The following FLG variants were observed in gnomAD, a reference collection of about 807,000 sequenced individuals.
The protein encoded by FLG is filaggrin.
FLG carries 6 observed loss-of-function variants against 3.8 expected under a neutral mutation model. That is an observed-to-expected ratio of 1.60 (90% confidence interval 0.87 to 3.15). The LOEUF is 3.15. FLG is among the 30% of genes most tolerant of loss of function. The probability of loss-of-function intolerance (pLI) is 0.00; values close to 1 mark genes in which losing one functional copy is unlikely to be tolerated. For missense variants in FLG, 7,595 were observed against 5,050.9 expected (o/e 1.50, Z -15.27); for synonymous variants, 2,551 against 1,931.6 (o/e 1.32, Z -8.41).
Position 152,310,987 on chromosome 1 carries a change from T to G in FLG, c.3899A>C (p.Glu1300Ala). The G allele has an allele frequency of 6.2e-7, 1 of 1,613,952 alleles. No homozygotes were observed. Among genetic ancestry groups the G allele is most frequent in the Non-Finnish European group, 8.5e-7 (1 of 1,179,972 alleles). ...ASRNHHGSSR[E>A]QSRDGSRHPG... The stretch of plus-strand genomic sequence containing the variant: ...GTGTCTGGAGCCATCTCTTGACTGC[T>G]CCCGAGAAGATCCATGATGGTTTCT... The change falls in exon 3 of 3, where the codon GAG (glutamate) becomes GCG (alanine). Residue 1300 changes from glutamate to alanine, a missense_variant. Glu to Ala is a moderately radical substitution (Grantham distance 107). Coordinates refer to ENST00000368799, the MANE Select transcript of FLG (RefSeq NM_002016.2).
Position 152,314,466 on chromosome 1 carries a change from T to C in FLG, c.420A>G (p.Arg140=). ...RRNNRKGNKG[R]SKSPRETGGK... Reference sequence around the variant, plus strand: ...CCCCTGTTTCTCTTGGGCTCTTGGATCTTCCCTTATTCCCTTTTCTATTGT... The same window carrying C: ...CCCCTGTTTCTCTTGGGCTCTTGGACCTTCCCTTATTCCCTTTTCTATTGT... Residue 140 remains arginine, a synonymous_variant, in exon 3 of 3, where the codon AGA becomes AGG. Transcript: ENST00000368799. The C allele has an allele frequency of 6.2e-7, 1 of 1,613,690 alleles. No homozygotes were observed. Among genetic ancestry groups the C allele is most frequent in the African/African-American group, 1.3e-5 (1 of 75,040 alleles).
Position 152,313,883 on chromosome 1 carries a change from G to T in FLG, c.1003C>A (p.His335Asn), listed in dbSNP as rs1316920604. 5.0e-6 allele frequency: 8 copies of T among 1,614,066 alleles called. No homozygotes were observed. Among genetic ancestry groups the T allele is most frequent in the Non-Finnish European group, 5.9e-6 (7 of 1,179,990 alleles). ...CTGTCTTCATCATGGGACCTGGGGT[G>T]TCTGGAGCCATCTCTTGACTGCTCC... The part of the protein sequence containing the change: ...AWEQSRDGSR[H>N]PRSHDEDRAS... Residue 335 changes from histidine (H) to asparagine (N), a missense_variant, in exon 3 of 3, where the codon CAC becomes AAC. Transcript: ENST00000368799.
chr1:152,307,951 C>A lies in FLG; in HGVS notation c.6935G>T (p.Gly2312Val). 6.2e-7 allele frequency: 1 copy of A among 1,614,124 alleles called. No homozygotes were observed. Among genetic ancestry groups the A allele is most frequent in the Non-Finnish European group, 8.5e-7 (1 of 1,180,040 alleles). The change falls in exon 3 of 3, where the codon GGT becomes GTT. Residue 2312 changes from glycine to valine, a missense_variant. Physicochemically the swap from Gly to Val is moderately radical, Grantham distance 109. Transcript: ENST00000368799. Reference sequence around the variant, plus strand: ...TTCATGGGATGATGCAGCCTGTCCACCAGAGGAATTCTCTGCATGATGAGT... The same window carrying A: ...TTCATGGGATGATGCAGCCTGTCCAACAGAGGAATTCTCTGCATGATGAGT... ...SGTHHAENSS[G>V]GQAASSHEQA... is the part of the protein sequence containing the mutation.
rs1652333514 is a variant in FLG, at chr1:152,310,561, A to G, written c.4325T>C (p.Leu1442Pro). Residue 1442 changes from leucine to proline, a missense_variant, in exon 3 of 3, where the codon CTC (leucine) becomes CCC (proline). Leu to Pro is a moderately conservative substitution (Grantham distance 98, BLOSUM62 -3). Coordinates refer to ENST00000368799, the MANE Select transcript of FLG (RefSeq NM_002016.2). The part of the protein sequence containing the change: ...GESSGRSRSF[L>P]YQVSSHEQSE... ...CTGTTCATGAGAGCTCACCTGGTAG[A>G]GGAAAGACCTTGAACGTCCAGAGCT... is the stretch of plus-strand genomic sequence containing the variant. 1.2e-6 allele frequency: 2 copies of G among 1,613,670 alleles called. No homozygotes were observed. The highest frequency in any genetic ancestry group is 2.7e-5 in the African/African-American group (2 of 74,864).
intron 1 of FLG, among the ~76,000 whole-genome samples, chr1:152,315,930 T>C (rs1443093648): frequency 1.3e-5 from 2 of 152,364 alleles, no homozygotes; most frequent in East Asian, 3.9e-4. Flanking sequence ...TATGACAAGA[T>C]ACTCAATGAA....
At position 152,314,511 on chromosome 1, in the gene FLG, G is replaced by C; in HGVS notation, c.375C>G (p.Pro125=). The change falls in exon 3 of 3, where the codon CCC becomes CCG. Residue 125 remains proline, a synonymous_variant. Transcript: ENST00000368799. ...QEENKENRKR[P]SSLERRNNRK... The stretch of plus-strand genomic sequence containing the variant: ...TATTGTTTCTTCTTTCCAGACTTGA[G>C]GGTCTTTTTCTGTTTTCTTTGTTTT... 1 of 1,613,054 alleles carries C rather than the reference G, an allele frequency of 6.2e-7. No individual in the cohort carries two copies. Among genetic ancestry groups the C allele is most frequent in the Non-Finnish European group, 8.5e-7 (1 of 1,179,752 alleles).
chr1:152,314,145 A>G lies in FLG; in HGVS notation c.741T>C (p.Thr247=). The G allele has an allele frequency of 6.2e-7, 1 of 1,614,130 alleles. No individual in the cohort carries two copies. The highest frequency in any genetic ancestry group is 8.5e-7 in the Non-Finnish European group (1 of 1,179,992). ...YTIQDEAYDT[T]DSLLEENKIY... ...TTTTGTTTTCTTCTAATAGACTATC[A>G]GTGGTGTCATAGGCTTCATCCTGGA... is the stretch of plus-strand genomic sequence containing the variant. The change falls in exon 3 of 3, where the codon ACT becomes ACC. Residue 247 remains threonine, a synonymous_variant. Transcript: ENST00000368799.
Position 152,309,675 on chromosome 1 carries a change from GTGGGCTGACACTGAC to G in FLG, c.5196_5210del (p.Gln1732_Ala1736del). The stretch of plus-strand genomic sequence containing the variant: ...TCTGCTGATGGGGCCCAGCCTGTCC[GTGGGCTGACACTGAC>G]TGTGTGTCTGACTCTTCTGAGTGTC... On this transcript the variant is annotated inframe_deletion, in exon 3 of 3. Coordinates refer to ENST00000368799, the MANE Select transcript of FLG (RefSeq NM_002016.2). The G allele has an allele frequency of 6.2e-7, 1 of 1,613,866 alleles. No individual in the cohort carries two copies. Among genetic ancestry groups the G allele is most frequent in the Non-Finnish European group, 8.5e-7 (1 of 1,179,960 alleles).
At position 152,302,264 on chromosome 1, in the gene FLG, A is replaced by G. The variant is rs561665006; in HGVS notation, c.*436T>C. On this transcript the variant is annotated 3_prime_UTR_variant, in exon 3 of 3. Transcript: ENST00000368799. ...GAATACAGAATACTAGAATTCCAATAGAAGGATAATAGAGAAAGATGTGCT... is the reference window on the plus strand; with the variant it reads ...GAATACAGAATACTAGAATTCCAATGGAAGGATAATAGAGAAAGATGTGCT... 4 of 173,968 alleles carry G rather than the reference A, an allele frequency of 2.3e-5. No individual in the cohort carries two copies. The South Asian group carries it at 5.1e-4, about 22-fold the overall frequency. 10.8% of individuals were successfully genotyped at this position (173,968 alleles called of 1,614,324 possible). A position where few individuals can be genotyped will look rare whatever the true frequency, so the allele number is the denominator to read the frequency against.
In FLG at chr1:152,313,177, T is replaced by G. The variant is rs543998895; in HGVS notation, c.1709A>C (p.Gln570Pro). 29 of 1,613,838 alleles carry G rather than the reference T, an allele frequency of 1.8e-5. 1 individual carries two copies. In the South Asian group the frequency reaches 2.5e-4, roughly 14 times the overall value. The change falls in exon 3 of 3, where the codon CAA becomes CCA. Residue 570 changes from glutamine (Q) to proline (P), a missense_variant. Gln to Pro is a moderately conservative substitution (Grantham distance 76). Coordinates refer to ENST00000368799, the MANE Select transcript of FLG (RefSeq NM_002016.2). ...TCCTGATTGTTCCTCATTTCGTGTT[T>G]GTCTGCTTGCACTTCTGGATCCTGA... ...GQSGSRSASR[Q>P]TRNEEQSGDG...
chr1:152,316,926 A>G (rs1406911735), intron 1 of FLG, among the ~76,000 whole-genome samples: 1 of 152,094 alleles, frequency 6.6e-6, no homozygotes, highest in Non-Finnish European at 1.5e-5. Context: ...TTTATCTCTG[A>G]TGTCCTTGAT....
In FLG at chr1:152,311,806, G is replaced by C; in HGVS notation, c.3080C>G (p.Ser1027Ter). 6.2e-7 allele frequency: 1 copy of C among 1,614,116 alleles called. No individual in the cohort carries two copies. Among genetic ancestry groups the C allele is most frequent in the Non-Finnish European group, 8.5e-7 (1 of 1,180,004 alleles). The stretch of plus-strand genomic sequence containing the variant: ...GGATCCGTGTCTTTCTCCTGGACTT[G>C]ATCTTGCCTGTTCATGGGATGACGC... Reference protein sequence around the residue: ...QAASSHEQARSSPGERHGSRH... With the variant: ...QAASSHEQAR The change falls in exon 3 of 3, where the codon TCA becomes TGA. Residue 1027 changes from serine (S) to a stop codon, truncating the protein, a stop_gained. Coordinates refer to ENST00000368799, the MANE Select transcript of FLG (RefSeq NM_002016.2). LOFTEE classifies it low-confidence loss of function (END_TRUNC).
At position 152,310,386 on chromosome 1, in the gene FLG, C is replaced by T. The variant is rs1335491195; in HGVS notation, c.4500G>A (p.Arg1500=). ...CTGATTGCTCGTGGTAGGATCCCTGCCTTCCTCCTCTGCTTGACCCCGGGT... is the reference window on the plus strand; with the variant it reads ...CTGATTGCTCGTGGTAGGATCCCTGTCTTCCTCCTCTGCTTGACCCCGGGT... ...RGHPGSSRGG[R]QGSYHEQSVD... Residue 1500 remains arginine (R), a synonymous_variant, in exon 3 of 3, where the codon AGG becomes AGA. Coordinates refer to ENST00000368799, the MANE Select transcript of FLG (RefSeq NM_002016.2). 10 of 1,613,636 alleles carry T rather than the reference C, an allele frequency of 6.2e-6. No individual in the cohort carries two copies. In the South Asian group the frequency reaches 8.8e-5, roughly 14 times the overall value.
At position 152,310,219 on chromosome 1, in the gene FLG, TG is replaced by T; in HGVS notation, c.4666del (p.His1556ThrfsTer150). 1.2e-6 allele frequency: 2 copies of T among 1,613,802 alleles called. No homozygotes were observed. The highest frequency in any genetic ancestry group is 8.5e-7 in the Non-Finnish European group (1 of 1,179,964). ...NEEQSGDGSR[H>X]SGSRHHEPST... ...AGGTTCATGGTGACGTGACCCTGAG[TG>T]CCTGGAGCCGTCTCCTGATTGTTCC... is the stretch of plus-strand genomic sequence containing the variant. On this transcript the variant is annotated frameshift_variant, in exon 3 of 3. Transcript: ENST00000368799. LOFTEE classifies it low-confidence loss of function (END_TRUNC).
chr1:152,315,453 A>G lies in FLG; in HGVS notation c.4T>C (p.Ser2Pro), dbSNP rs746067399. M[S>P]TLLENIFAII... is the part of the protein sequence containing the mutation. ...GCAAAGATGTTTTCCAGGAGAGTAGACATCTTTTGGCAATAAATGTGAACC... is the reference window on the plus strand; with the variant it reads ...GCAAAGATGTTTTCCAGGAGAGTAGGCATCTTTTGGCAATAAATGTGAACC... Residue 2 changes from serine to proline, a missense_variant, in exon 2 of 3, where the codon TCT (serine) becomes CCT (proline). By Grantham distance (74) the Ser-to-Pro change is moderately conservative. Coordinates refer to ENST00000368799, the MANE Select transcript of FLG (RefSeq NM_002016.2). 4 of 1,611,022 alleles carry G rather than the reference A, an allele frequency of 2.5e-6. No individual in the cohort carries two copies. Among genetic ancestry groups the G allele is most frequent in the Admixed American group, 3.3e-5 (2 of 59,718 alleles).
rs150503113 is a variant in FLG at position 152,312,082 on chromosome 1, C to G, written c.2804G>C (p.Gly935Ala). The G allele has an allele frequency of 2.0e-3, 3,166 of 1,614,060 alleles. 29 individuals carry two copies. In the Middle Eastern group the frequency reaches 0.022, roughly 11 times the overall value. ...TCCCTGGCGCCTGCTTGTCCTGGACCCCTCTGATTGTCCCTGGCCTGCCTG... is the reference window on the plus strand; with the variant it reads ...TCCCTGGCGCCTGCTTGTCCTGGACGCCTCTGATTGTCCCTGGCCTGCCTG... ...HSQAGQGQSE[G>A]SRTSRRQGSS... The change falls in exon 3 of 3, where the codon GGG (glycine) becomes GCG (alanine). Residue 935 changes from glycine (G) to alanine (A), a missense_variant. Transcript: ENST00000368799.
chr1:152,313,015 T>A lies in FLG; in HGVS notation c.1871A>T (p.Asp624Val), dbSNP rs762465280. The A allele has an allele frequency of 2.5e-6, 4 of 1,614,006 alleles. No homozygotes were observed. In the South Asian group the frequency reaches 3.3e-5, roughly 13 times the overall value. The change falls in exon 3 of 3, where the codon GAC (aspartate) becomes GTC (valine). Residue 624 changes from aspartate (D) to valine (V), a missense_variant. Coordinates refer to ENST00000368799, the MANE Select transcript of FLG (RefSeq NM_002016.2). The stretch of plus-strand genomic sequence containing the variant: ...TTCTGAGTGTCCCTGACTGTCACTG[T>A]CCTGGCTAACACTGGATCCCTGGTT... The part of the protein sequence containing the change: ...SRNQGSSVSQ[D>V]SDSQGHSEDS...
Position 152,303,766 on chromosome 1 carries a change from G to T in FLG, c.11120C>A (p.Ser3707Ter), listed in dbSNP as rs776800093. The T allele has an allele frequency of 1.9e-6, 3 of 1,613,772 alleles. No homozygotes were observed. In the African/African-American group the frequency reaches 4.0e-5, roughly 22 times the overall value. ...GCTCACCTGGTAGAGGAAAGACCCT[G>T]AACGTCCAGACCTTCCTGCTGACCG... ...RGRSAGRSGR[S>*]GSFLYQVSTH... Residue 3707 changes from serine to a stop codon, truncating the protein, a stop_gained, in exon 3 of 3, where the codon TCA (serine) becomes TAA (stop). Transcript: ENST00000368799. LOFTEE classifies it low-confidence loss of function (END_TRUNC).
Position 152,305,055 on chromosome 1 carries a change from A to G in FLG, c.9831T>C (p.Arg3277=). The G allele has an allele frequency of 6.2e-7, 1 of 1,613,866 alleles. No individual in the cohort carries two copies. Among genetic ancestry groups the G allele is most frequent in the South Asian group, 1.1e-5 (1 of 91,020 alleles). ...SADRSRQSGT[R]HAETSSGGQA... ...GTCCACCAGAGGAAGTCTCTGCGTGACGAGTGCCTGATTGTCTGGAGCGGT... is the reference window on the plus strand; with the variant it reads ...GTCCACCAGAGGAAGTCTCTGCGTGGCGAGTGCCTGATTGTCTGGAGCGGT... Residue 3277 remains arginine (R), a synonymous_variant, in exon 3 of 3, where the codon CGT becomes CGC. Coordinates refer to ENST00000368799, the MANE Select transcript of FLG (RefSeq NM_002016.2).
Sources: allele counts gnomAD v4.1 joint callset (sites outside exome capture counted in the v4.1 genomes callset), GRCh38; gene constraint gnomAD v4.1.1; transcripts MANE v1.5; gene names NCBI Gene and HGNC (gene_info 2026-07-23, HGNC 2026-07-21).